SPAG16: variants seen among roughly 807,000 people sequenced by gnomAD.
The protein encoded by SPAG16 is sperm associated antigen 16.
SPAG16 carries 86 observed loss-of-function variants against 80.4 expected under a neutral mutation model. The observed-to-expected ratio is 1.07, with a 90% confidence interval of 0.90 to 1.28. The LOEUF (loss-of-function observed/expected upper bound fraction) is 1.28. SPAG16 is among the 50% of genes most tolerant of loss of function. The probability of loss-of-function intolerance (pLI) is 0.00; values close to 1 mark genes in which losing one functional copy is unlikely to be tolerated. For missense variants in SPAG16, 870 were observed against 765.3 expected (o/e 1.14, Z -1.61); for synonymous variants, 294 against 265.9 (o/e 1.11, Z -1.03).
intron 10 of SPAG16, among the ~76,000 whole-genome samples, chr2:213,623,716 T>C (rs1228030284): frequency 6.6e-6 from 1 of 152,118 alleles, no homozygotes; most frequent in East Asian, 1.9e-4. Context: ...TAGTAATACA[T>C]GCAAGGCATT....
chr2:213,878,627 TTA>T (rs1396378047), intron 11 of SPAG16, among the ~76,000 whole-genome samples: 1 of 152,190 alleles, frequency 6.6e-6, no homozygotes, highest in Non-Finnish European at 1.5e-5. Flanking sequence ...TGTTGATTAT[TTA>T]TGTTTCTGTG....
intron 10 of SPAG16, among the ~76,000 whole-genome samples, chr2:213,765,509 A>G (rs983757332): frequency 1.3e-5 from 2 of 152,318 alleles, no homozygotes; most frequent in South Asian, 4.1e-4. Flanking sequence ...TTGAGTCTAT[A>G]TGTGTATATT....
chr2:214,043,089 A>G (rs1258386114), intron 13 of SPAG16, among the ~76,000 whole-genome samples: 1 of 152,014 alleles, frequency 6.6e-6, no homozygotes, highest in Non-Finnish European at 1.5e-5. Flanking sequence ...CAAAGGTCAC[A>G]TATCAGATCC....
intron 9 of SPAG16, among the ~76,000 whole-genome samples, chr2:213,467,746 C>T (rs555428312): frequency 3.4e-4 from 52 of 152,344 alleles, no homozygotes; most frequent in African/African-American, 1.2e-3. Flanking sequence ...GTGAGTCTGG[C>T]TCTGGACTCA....
At chr2:213,786,413 G>A (rs1423888650) in intron 10 of SPAG16, among the ~76,000 whole-genome samples, 1 of 152,072 alleles carries the variant, frequency 6.6e-6, no homozygotes, top group Non-Finnish European at 1.5e-5. Context: ...GAAAAAAATG[G>A]TACATTATTG....
Position 213,401,172 on chromosome 2 carries a change from T to A in SPAG16, c.942+26053T>A, listed in dbSNP as rs372658823. On this transcript the variant is annotated intron_variant, in intron 9 of 15. Transcript: ENST00000331683. Reference sequence around the variant, plus strand: ...GTAACTTATTTTGGTCAATGATAATTTGAGAAACCTGACTCTACAGAAGCT... The same window carrying A: ...GTAACTTATTTTGGTCAATGATAATATGAGAAACCTGACTCTACAGAAGCT... 5.9e-5 allele frequency among the ~76,000 whole-genome samples: 9 copies of A among 152,348 alleles called. No individual in the cohort carries two copies. The East Asian group carries it at 1.2e-3, about 20-fold the overall frequency.
At chr2:214,228,342 T>C (rs899155205) in intron 15 of SPAG16, among the ~76,000 whole-genome samples, 7 of 151,934 alleles carry the variant, frequency 4.6e-5, no homozygotes, top group Non-Finnish European at 8.8e-5. Context: ...TTGATAGCAT[T>C]ATATCACAGC....
At chr2:213,602,460 C>T (rs1416377368) in intron 10 of SPAG16, among the ~76,000 whole-genome samples, 3 of 152,018 alleles carry the variant, frequency 2.0e-5, no homozygotes, top group East Asian at 1.9e-4. Flanking sequence ...GGTGGAACCC[C>T]GTCTCTACAA....
chr2:214,370,371 G>T (rs976605796), intron 15 of SPAG16, among the ~76,000 whole-genome samples: 12 of 151,978 alleles, frequency 7.9e-5, no homozygotes, highest in African/African-American at 2.9e-4. Context: ...CTCTCATTTT[G>T]ATTGCTGTGC....
At chr2:213,823,488 G>A (rs2073078819) in intron 10 of SPAG16, among the ~76,000 whole-genome samples, 1 of 152,106 alleles carries the variant, frequency 6.6e-6, no homozygotes, top group Admixed American at 6.6e-5. Flanking sequence ...AGCCTCCTGA[G>A]TAGCTGGGAT....
chr2:214,295,955 A>G (rs1273247436), intron 15 of SPAG16, among the ~76,000 whole-genome samples: 4 of 152,178 alleles, frequency 2.6e-5, no homozygotes, highest in Non-Finnish European at 5.9e-5. Context: ...AAGTGGATAT[A>G]ATGCATAATG....
At chr2:214,339,578 C>T (rs1003277603) in intron 15 of SPAG16, among the ~76,000 whole-genome samples, 2 of 152,184 alleles carry the variant, frequency 1.3e-5, no homozygotes, top group African/African-American at 4.8e-5. Flanking sequence ...GTCTCTATTT[C>T]AGCCAAACAA....
intron 15 of SPAG16, among the ~76,000 whole-genome samples, chr2:214,383,433 C>G (rs1428412879): frequency 6.6e-6 from 1 of 151,850 alleles, no homozygotes; most frequent in Admixed American, 6.6e-5. Context: ...ATTAGCCGGG[C>G]ATGGTGGTGC....
intron 10 of SPAG16, among the ~76,000 whole-genome samples, chr2:213,731,162 T>G (rs1176404398): frequency 6.8e-6 from 1 of 147,218 alleles, no homozygotes; most frequent in South Asian, 2.2e-4. Flanking sequence ...AGTTTTTTTT[T>G]TTTTTTTTTT....
chr2:213,444,290 G>T (rs1258511125), intron 9 of SPAG16, among the ~76,000 whole-genome samples: 3 of 152,126 alleles, frequency 2.0e-5, no homozygotes, highest in Admixed American at 2.0e-4. Context: ...TCCTGGGGTG[G>T]AGTTTGTGGC....
intron 3 of SPAG16, among the ~76,000 whole-genome samples, chr2:213,307,392 T>C (rs927013074): frequency 3.0e-5 from 4 of 133,286 alleles, no homozygotes; most frequent in African/African-American, 1.1e-4. Flanking sequence ...AGTGTGATGT[T>C]CCCCTTCCTG....
At chr2:213,406,007 A>C (rs905005143) in intron 9 of SPAG16, among the ~76,000 whole-genome samples, 2 of 152,206 alleles carry the variant, frequency 1.3e-5, no homozygotes, top group African/African-American at 4.8e-5. Flanking sequence ...GATAATAAGA[A>C]GAGGCATAAA....
chr2:213,412,457 A>G (rs571800100), intron 9 of SPAG16, among the ~76,000 whole-genome samples: 6 of 152,196 alleles, frequency 3.9e-5, no homozygotes, highest in Non-Finnish European at 5.9e-5. Context: ...AAAAAAAATA[A>G]TAATTAGACA....
At chr2:213,555,534 T>C (rs145750321) in intron 10 of SPAG16, among the ~76,000 whole-genome samples, 1 of 152,300 alleles carries the variant, frequency 6.6e-6, no homozygotes, top group Non-Finnish European at 1.5e-5. Context: ...GAACTGTGAG[T>C]CAATTAAACC....
Sources: gnomAD v4.1 joint callset for allele counts (sites outside exome capture counted in the v4.1 genomes callset) on GRCh38, gnomAD v4.1.1 for gene constraint, MANE v1.5 for transcripts, NCBI Gene and HGNC (gene_info 2026-07-23, HGNC 2026-07-21) for gene names.